NPEPPS: variants seen among roughly 807,000 people sequenced by gnomAD.
NPEPPS encodes aminopeptidase puromycin sensitive.
A neutral mutation model predicts 115.5 loss-of-function variants in NPEPPS; 14 were observed. That is an observed-to-expected ratio of 0.12 (90% CI 0.08 to 0.19). The LOEUF is 0.19. Among genes scored for constraint, NPEPPS ranks in the 10% least tolerant of loss-of-function variants. The pLI is 1.00. For synonymous variants in NPEPPS, 285 were observed against 390.6 expected, an observed-to-expected ratio of 0.73 and a Z score of 3.19; for missense variants, 523 against 1,110.8, an observed-to-expected ratio of 0.47 and a Z score of 7.52.
intron 3 of NPEPPS, among the ~76,000 whole-genome samples, chr17:47,571,842 A>G (rs1354768718): frequency 1.3e-5 from 2 of 152,234 alleles, no homozygotes; most frequent in Non-Finnish European, 2.9e-5. Flanking sequence ...CTGTCTAGAA[A>G]TATTCCTATG....
At chr17:47,607,395 G>C (rs1913580293) in intron 17 of NPEPPS, among the ~76,000 whole-genome samples, 1 of 152,118 alleles carries the variant, frequency 6.6e-6, no homozygotes, top group Admixed American at 6.6e-5. Flanking sequence ...GCATGCTTAG[G>C]GTATTCGAGG....
intron 17 of NPEPPS, among the ~76,000 whole-genome samples, chr17:47,606,940 A>G (rs572456025): frequency 6.6e-6 from 1 of 152,082 alleles, no homozygotes; most frequent in Non-Finnish European, 1.5e-5. Flanking sequence ...CACGCCTGTA[A>G]TCCCAGCACT....
At chr17:47,538,526 CTTTT>C (rs1029993473) in intron 1 of NPEPPS, among the ~76,000 whole-genome samples, 35 of 104,440 alleles carry the variant, frequency 3.4e-4, no homozygotes, top group African/African-American at 1.0e-3. Flanking sequence ...TATCTGTTTT[CTTTT>C]TTTTTTTTTT....
In NPEPPS at chr17:47,577,212, A is replaced by G. The variant is rs1268277560; in HGVS notation, c.419-2178A>G. The stretch of plus-strand genomic sequence containing the variant: ...GAGTTTTAAAACCACTTTTGTTCCA[A>G]CTAGGAAAAAATGCAAGTAGATTTA... On this transcript the variant is annotated intron_variant, in intron 3 of 22. Transcript: ENST00000322157. 2.1e-5 allele frequency: 14 copies of G among 675,440 alleles called. No individual in the cohort carries two copies. In the Admixed American group the frequency reaches 3.6e-4, roughly 18 times the overall value. 41.8% of individuals were successfully genotyped at this position (675,440 alleles called of 1,614,324 possible).
chr17:47,596,295 T>C, intron 12 of NPEPPS, 58 bp from the exon 13 acceptor site: 2 of 1,155,330 alleles, frequency 1.7e-6, no homozygotes, highest in South Asian at 3.3e-5. Context: ...TAAAATTTCT[T>C]TTTTGTTTAG....
chr17:47,540,806 T>G (rs1028136108), intron 1 of NPEPPS, among the ~76,000 whole-genome samples: 3 of 152,322 alleles, frequency 2.0e-5, no homozygotes, highest in African/African-American at 7.2e-5. Context: ...TTACATAGAT[T>G]ATCCCATTAT....
chr17:47,545,174 A>G (rs2317807), intron 1 of NPEPPS, among the ~76,000 whole-genome samples: 2 of 152,034 alleles, frequency 1.3e-5, no homozygotes, highest in Non-Finnish European at 2.9e-5. Context: ...CCACCTAATT[A>G]AAAAAATTTT....
At chr17:47,593,112 A>G (rs1912617913) in intron 12 of NPEPPS, among the ~76,000 whole-genome samples, 1 of 152,250 alleles carries the variant, frequency 6.6e-6, no homozygotes, top group African/African-American at 2.4e-5. Flanking sequence ...CCAAAATCCA[A>G]AAGAAATATG....
chr17:47,558,685 T>G (rs997288071), intron 2 of NPEPPS, among the ~76,000 whole-genome samples: 3 of 152,198 alleles, frequency 2.0e-5, no homozygotes, highest in African/African-American at 7.2e-5. Context: ...TGCTTTGGCC[T>G]GAAGTGCTGG....
In NPEPPS at chr17:47,538,178, C is replaced by G. The variant is rs79025609; in HGVS notation, c.255+6623C>G. 6.4e-3 allele frequency among the ~76,000 whole-genome samples: 936 copies of G among 145,656 alleles called. 5 individuals are homozygous for G. Among genetic ancestry groups the G allele is most frequent in the Middle Eastern group, 0.011 (3 of 268 alleles). On this transcript the variant is annotated intron_variant, in intron 1 of 22. Coordinates refer to ENST00000322157, the MANE Select transcript of NPEPPS (RefSeq NM_006310.4). ...AAAGTGCTGGGATTACAAGTGTGAGCCACCGCGCCTAGCCATATCTGTTCT... is the reference window on the plus strand; with the variant it reads ...AAAGTGCTGGGATTACAAGTGTGAGGCACCGCGCCTAGCCATATCTGTTCT...
intron 3 of NPEPPS, among the ~76,000 whole-genome samples, chr17:47,576,590 A>G (rs1488676368): frequency 6.6e-6 from 1 of 152,206 alleles, no homozygotes; most frequent in Non-Finnish European, 1.5e-5. Flanking sequence ...TAGGCTCATT[A>G]AATTTATTAT....
chr17:47,621,701 T>A, intron 22 of NPEPPS, 67 bp from the exon 23 acceptor site: 1 of 1,472,712 alleles, frequency 6.8e-7, no homozygotes, highest in African/African-American at 1.4e-5. Context: ...GGGTATTTTT[T>A]CATAACCTGT....
intron 3 of NPEPPS, among the ~76,000 whole-genome samples, chr17:47,572,436 A>G (rs1911254332): frequency 6.6e-6 from 1 of 151,648 alleles, no homozygotes; most frequent in African/African-American, 2.4e-5. Context: ...TATAATAGAA[A>G]TAAAGGAAGT....
intron 2 of NPEPPS, among the ~76,000 whole-genome samples, chr17:47,550,529 A>G (rs1396432545): frequency 6.7e-6 from 1 of 149,610 alleles, no homozygotes; most frequent in Non-Finnish European, 1.5e-5. Context: ...TGCAATAATG[A>G]AAGATCATTT....
intron 1 of NPEPPS, among the ~76,000 whole-genome samples, chr17:47,538,491 G>A (rs1256255524): frequency 6.7e-6 from 1 of 149,244 alleles, no homozygotes; most frequent in Non-Finnish European, 1.5e-5. Flanking sequence ...TGGGATTACA[G>A]GCATGAACCA....
chr17:47,613,575 C>A, intron 18 of NPEPPS, 94 bp from the exon 19 acceptor site: 2 of 1,102,398 alleles, frequency 1.8e-6, no homozygotes, highest in Non-Finnish European at 2.7e-6. Context: ...CCAACATTTA[C>A]AATATTGTTT....
At chr17:47,576,829 G>A (rs570906769) in intron 3 of NPEPPS, among the ~76,000 whole-genome samples, 130 of 152,190 alleles carry the variant, frequency 8.5e-4, no homozygotes, top group African/African-American at 2.8e-3. Flanking sequence ...TGTGTTGATA[G>A]GCATAAAATT....
At chr17:47,592,751 C>A (rs2317817) in intron 12 of NPEPPS, 4 of 487,744 alleles carry the variant, frequency 8.2e-6, no homozygotes, top group African/African-American at 7.9e-5. Context: ...CTTTTTCTTT[C>A]CTTTCTTTCT....
At chr17:47,621,697 T>A in intron 22 of NPEPPS, 71 bp from the exon 23 acceptor site, 1 of 1,456,158 alleles carries the variant, frequency 6.9e-7, no homozygotes, top group Admixed American at 1.9e-5. Flanking sequence ...CAGTGGGTAT[T>A]TTTTCATAAC....
Sources: gnomAD v4.1 joint callset for allele counts (sites outside exome capture counted in the v4.1 genomes callset) on GRCh38, gnomAD v4.1.1 for gene constraint, MANE v1.5 for transcripts, NCBI Gene and HGNC (gene_info 2026-07-23, HGNC 2026-07-21) for gene names.